The following PSMA1 variants were observed in gnomAD, a reference collection of about 807,000 sequenced individuals.
PSMA1 encodes the protein proteasome 20S subunit alpha 1.
Under a neutral mutation model 38.4 loss-of-function variants are expected in PSMA1, and 3 were observed. That is an observed-to-expected ratio of 0.08 (90% CI 0.04 to 0.20). The LOEUF is 0.20. Among genes scored for constraint, PSMA1 ranks in the 10% least tolerant of loss-of-function variants. PSMA1 has a pLI of 1.00. For missense variants in PSMA1, 227 were observed against 325.3 expected (o/e 0.70, Z 2.32); for synonymous variants, 101 against 107.1 (o/e 0.94, Z 0.35).
At chr11:14,565,506 T>C (rs1392154694) in intron 2 of PSMA1, among the ~76,000 whole-genome samples, 4 of 152,222 alleles carry the variant, frequency 2.6e-5, no homozygotes, top group Admixed American at 6.5e-5. Context: ...TTTTCTTATA[T>C]ATGCTTTTAG....
intron 2 of PSMA1, among the ~76,000 whole-genome samples, chr11:14,572,851 G>A (rs1444074395): frequency 1.3e-5 from 2 of 152,148 alleles, no homozygotes; most frequent in African/African-American, 4.8e-5. Context: ...CAATCCCATG[G>A]AAATACAAAC....
At chr11:14,524,022 C>T (rs1398367871), upstream of PSMA1, among the ~76,000 whole-genome samples, 1 of 145,280 alleles carries the variant, frequency 6.9e-6, no homozygotes, top group Non-Finnish European at 1.5e-5. Flanking sequence ...CACCTGTAAT[C>T]CCGACACTTT....
chr11:14,526,497 T>A (rs1478254438), intron 2 of PSMA1, among the ~76,000 whole-genome samples: 13 of 152,182 alleles, frequency 8.5e-5, no homozygotes, highest in Admixed American at 8.5e-4. Flanking sequence ...GCCGCTGCCC[T>A]AATACTTTTA....
At chr11:14,601,752 C>T (rs549723841) in intron 2 of PSMA1, among the ~76,000 whole-genome samples, 5 of 152,118 alleles carry the variant, frequency 3.3e-5, no homozygotes, top group African/African-American at 9.6e-5. Context: ...GTAACTTGTC[C>T]GAGGCCATAT....
rs1373567384 is a variant in PSMA1, at chr11:14,513,551, A to G, written c.544+19T>C. 7.0e-6 allele frequency: 10 copies of G among 1,431,174 alleles called. No homozygotes were observed. Among genetic ancestry groups the G allele is most frequent in the Admixed American group, 2.9e-5 (1 of 34,684 alleles). The allele number at this position is 1,431,174 out of a possible 1,614,324, so 88.7% of individuals were successfully genotyped here. On this transcript the variant is annotated intron_variant, in intron 7 of 9. Transcript: ENST00000396394. The stretch of plus-strand genomic sequence containing the variant: ...AAAAGGCAAAAAAAAAAAAAAAAAA[A>G]AGCAAGGCTGTCACTTACACTCCAT...
chr11:14,546,844 A>G lies in PSMA1; in HGVS notation c.22-27803T>C, dbSNP rs137979288. The stretch of plus-strand genomic sequence containing the variant: ...CCAGCAGAGATTGAGTCAGTTGGAT[A>G]TAGAGTGGGAGTAACCTAGCTCAAA... On this transcript the variant is annotated intron_variant, in intron 2 of 10. Transcript: ENST00000418988. Among the ~76,000 whole-genome samples the G allele has an allele frequency of 1.7e-4, 26 of 152,348 alleles. No individual in the cohort carries two copies. In the East Asian group the frequency reaches 4.8e-3, roughly 28 times the overall value.
upstream of PSMA1, among the ~76,000 whole-genome samples, chr11:14,523,233 G>A (rs1851548502): frequency 6.6e-6 from 1 of 152,004 alleles, no homozygotes; most frequent in Admixed American, 6.6e-5. Flanking sequence ...GTGTGTTTTG[G>A]GGATTTGGCT....
At chr11:14,636,383 T>C (rs1302456965) in intron 1 of PSMA1, among the ~76,000 whole-genome samples, 1 of 152,222 alleles carries the variant, frequency 6.6e-6, no homozygotes, top group Non-Finnish European at 1.5e-5. Context: ...ACACCACTCC[T>C]GTCTGATTCT....
In PSMA1 at chr11:14,520,338, T is replaced by C; in HGVS notation, c.-39A>G. 1.2e-6 allele frequency: 2 copies of C among 1,614,190 alleles called. No individual in the cohort carries two copies. The highest frequency in any genetic ancestry group is 1.1e-5 in the South Asian group (1 of 91,090). On this transcript the variant is annotated 5_prime_UTR_variant, in exon 1 of 10. Coordinates refer to ENST00000396394, the MANE Select transcript of PSMA1 (RefSeq NM_002786.4). ...GCCTGGTTGCGGCCTCCAGCAAAAC[T>C]GAGAATCAAGGAGGTGCTGCCGAAA... is the stretch of plus-strand genomic sequence containing the variant.
In PSMA1 at chr11:14,513,850, T is replaced by C. The variant is rs758364899; in HGVS notation, c.381A>G (p.Pro127=). The C allele has an allele frequency of 1.2e-6, 2 of 1,602,094 alleles. No homozygotes were observed. Among genetic ancestry groups the C allele is most frequent in the South Asian group, 1.1e-5 (1 of 88,374 alleles). ...CAGCAATAAGGAGACCAACACCATA[T>C]GGTCTCCGGCCATATCGTTGTGTTG... is the stretch of plus-strand genomic sequence containing the variant. ...QIPTQRYGRR[P]YGVGLLIAGY... is the part of the protein sequence containing the mutation. The change falls in exon 6 of 10, where the codon CCA becomes CCG. Residue 127 remains proline (P), a synonymous_variant. Transcript: ENST00000396394.
chr11:14,607,083 ATTC>A (rs1047041908), intron 2 of PSMA1, among the ~76,000 whole-genome samples: 1 of 152,222 alleles, frequency 6.6e-6, no homozygotes, highest in Admixed American at 6.5e-5. Flanking sequence ...GCATTGTAAA[ATTC>A]TTCTTCCAAA....
chr11:14,576,193 G>A (rs543247773), intron 2 of PSMA1, among the ~76,000 whole-genome samples: 2,375 of 152,180 alleles, frequency 0.016, 33 homozygotes, highest in Admixed American at 0.033. Flanking sequence ...TTTGTCAGAT[G>A]GGTAGATTGT....
intron 8 of PSMA1, among the ~76,000 whole-genome samples, chr11:14,508,661 T>C (rs558660083): frequency 2.7e-5 from 4 of 149,822 alleles, no homozygotes; most frequent in East Asian, 2.0e-4. Flanking sequence ...TGAGAGATGA[T>C]AGCGATTGGA....
chr11:14,526,319 C>T (rs1450263751), intron 2 of PSMA1, among the ~76,000 whole-genome samples: 1 of 152,174 alleles, frequency 6.6e-6, no homozygotes, highest in Non-Finnish European at 1.5e-5. Flanking sequence ...TGCCCCCACA[C>T]TAGCTCTCCC....
intron 2 of PSMA1, among the ~76,000 whole-genome samples, chr11:14,602,467 T>A (rs551974635): frequency 6.6e-6 from 1 of 151,588 alleles, no homozygotes; most frequent in South Asian, 2.1e-4. Context: ...TCCAGAGGTA[T>A]GAAAAAAAAA....
At chr11:14,579,486 C>CTTTT (rs756980966) in intron 2 of PSMA1, among the ~76,000 whole-genome samples, 3 of 112,522 alleles carry the variant, frequency 2.7e-5, no homozygotes, top group Non-Finnish European at 5.5e-5. Context: ...GCTGCAAAGA[C>CTTTT]TTTTTTTTTT....
At chr11:14,556,829 T>C (rs1042040421) in intron 2 of PSMA1, among the ~76,000 whole-genome samples, 1 of 152,172 alleles carries the variant, frequency 6.6e-6, no homozygotes, top group African/African-American at 2.4e-5. Context: ...AGAATGTTTT[T>C]GACATTTTAC....
At chr11:14,627,515 T>C (rs1852928502) in intron 1 of PSMA1, among the ~76,000 whole-genome samples, 1 of 152,228 alleles carries the variant, frequency 6.6e-6, no homozygotes, top group Non-Finnish European at 1.5e-5. Context: ...CACATAGAGC[T>C]TTGGAGTTCC....
chr11:14,535,400 A>G (rs893467324), intron 2 of PSMA1, among the ~76,000 whole-genome samples: 2 of 151,928 alleles, frequency 1.3e-5, no homozygotes, highest in African/African-American at 2.4e-5. Context: ...GTTGAGTAAC[A>G]ATGAATCTTA....
Sources: allele counts gnomAD v4.1 joint callset (sites outside exome capture counted in the v4.1 genomes callset), GRCh38; gene constraint gnomAD v4.1.1; transcripts MANE v1.5; gene names NCBI Gene and HGNC (gene_info 2026-07-23, HGNC 2026-07-21).